The following CHD2 variants were observed in gnomAD, a reference collection of about 807,000 sequenced individuals.
CHD2 encodes the protein chromodomain helicase DNA binding protein 2, also known as ATP-dependent chromatin remodeler CHD2.
A neutral mutation model predicts 243.9 loss-of-function variants in CHD2; 28 were observed. The observed-to-expected ratio is 0.11, with a 90% CI of 0.09 to 0.16. CHD2 has a LOEUF of 0.16. Among genes scored for constraint, CHD2 ranks in the 10% least tolerant of loss-of-function variants. The pLI is 1.00. For synonymous variants in CHD2, 775 were observed against 779.0 expected (o/e 0.99, Z 0.09); for missense variants, 1,386 against 2,209.8 (o/e 0.63, Z 7.47).
chr15:92,907,937 T>C (rs1265517439), intron 2 of CHD2, among the ~76,000 whole-genome samples: 1 of 151,940 alleles, frequency 6.6e-6, no homozygotes, highest in Non-Finnish European at 1.5e-5. Flanking sequence ...TTTGTGAGAA[T>C]GATTTTAGGA....
intron 8 of CHD2, among the ~76,000 whole-genome samples, chr15:92,942,549 T>G (rs182586398): frequency 6.6e-6 from 1 of 152,240 alleles, no homozygotes; most frequent in African/African-American, 2.4e-5. Flanking sequence ...TCCGAGTTAG[T>G]AAGGGACCAA....
intron 4 of CHD2, 129 bp downstream of exon 4, chr15:92,927,459 GCTAT>G: frequency 1.6e-6 from 1 of 629,466 alleles, no homozygotes. Context: ...TCTAATATGA[GCTAT>G]CTATGACCAG....
chr15:92,955,693 G>A (rs2053609430), intron 15 of CHD2, among the ~76,000 whole-genome samples, 181 bp downstream of exon 15: 1 of 152,128 alleles, frequency 6.6e-6, no homozygotes, highest in South Asian at 2.1e-4. Context: ...ATTTCAAAAA[G>A]CAAGCAAATG....
rs1169582763 is a variant in CHD2, at chr15:92,955,399, CTTAA to C, written c.1720-20_1720-17del. 9.7e-6 allele frequency: 14 copies of C among 1,450,270 alleles called. No homozygotes were observed. The highest frequency in any genetic ancestry group is 1.5e-5 in the African/African-American group (1 of 68,922). 89.8% of individuals were successfully genotyped at this position (1,450,270 alleles called of 1,614,324 possible). A position where few individuals can be genotyped will look rare whatever the true frequency, so the allele number is the denominator to read the frequency against. ...AGAAAGGTAGAAGTAGAAATTATGT[CTTAA>C]TTATGTTTTTTTCTTATAGATACGG... is the stretch of plus-strand genomic sequence containing the variant. On this transcript the variant is annotated intron_variant, in intron 14 of 38. Coordinates refer to ENST00000394196, the MANE Select transcript of CHD2 (RefSeq NM_001271.4).
intron 26 of CHD2, among the ~76,000 whole-genome samples, chr15:92,986,211 A>G (rs1320331783): frequency 6.6e-6 from 1 of 152,184 alleles, no homozygotes; most frequent in East Asian, 1.9e-4. Context: ...AGTGATTACT[A>G]TACATTTCTT....
chr15:92,932,498 GTGTTCTCATTGTTC>G (rs1230593721), intron 5 of CHD2, among the ~76,000 whole-genome samples: 1 of 126,232 alleles, frequency 7.9e-6, no homozygotes, highest in Non-Finnish European at 1.5e-5. Context: ...CTGTGTCCAA[GTGTTCTCATTGTTC>G]AATTCCCACC....
rs138567917 is a variant in CHD2, at chr15:92,913,274, G to GC, written c.63-11046dup. Among the ~76,000 whole-genome samples the GC allele has an allele frequency of 3.0e-3, 462 of 152,314 alleles. 2 individuals are homozygous for GC. Among genetic ancestry groups the GC allele is most frequent in the African/African-American group, 0.011 (440 of 41,572 alleles). Reference sequence around the variant, plus strand: ...CTGCTTTTTAGCTGTAGAATCTTGGGCAGGAGTGTCTGAGCCTGTTTCTTC... The same window carrying GC: ...CTGCTTTTTAGCTGTAGAATCTTGGGCCAGGAGTGTCTGAGCCTGTTTCTTC... On this transcript the variant is annotated intron_variant, in intron 2 of 38. Transcript: ENST00000394196.
chr15:92,913,748 A>G (rs2052784854), intron 2 of CHD2, among the ~76,000 whole-genome samples: 1 of 152,158 alleles, frequency 6.6e-6, no homozygotes, highest in African/African-American at 2.4e-5. Context: ...GCTATTTGGA[A>G]GGCTGAGGTG....
At chr15:92,969,364 C>G (rs751336893) in intron 17 of CHD2, among the ~76,000 whole-genome samples, 2 of 152,260 alleles carry the variant, frequency 1.3e-5, no homozygotes, top group African/African-American at 2.4e-5. Flanking sequence ...CAATCCCTGT[C>G]CTCAGGCATA....
rs568864160 is a variant in CHD2, at chr15:92,900,369, G to A, written c.-527G>A. The stretch of plus-strand genomic sequence containing the variant: ...AGATGGCGGCTGTGCCTTAGAGAGA[G>A]CGCGCTCTGCTCCCTGCCTTTGCCT... On this transcript the variant is annotated 5_prime_UTR_variant, in exon 1 of 39. Transcript: ENST00000394196. The A allele has an allele frequency of 2.6e-6, 1 of 391,430 alleles. No individual in the cohort carries two copies. Among genetic ancestry groups the A allele is most frequent in the African/African-American group, 2.1e-5 (1 of 48,604 alleles). The allele number at this position is 391,430 out of a possible 1,614,324, so 24.2% of individuals were successfully genotyped here.
chr15:92,908,605 T>G (rs2141711948), intron 2 of CHD2, among the ~76,000 whole-genome samples: 1 of 152,324 alleles, frequency 6.6e-6, no homozygotes, highest in Admixed American at 6.5e-5. Context: ...TCTCCGTGTG[T>G]TTTCAAATCT....
Position 93,014,731 on chromosome 15 carries a change from G to A in CHD2, c.4728G>A (p.Lys1576=). ...AGAAAGACGACGTGACTGGGGGTAA[G>A]AAACCATTTCGTCCAGAGGCCTCAG... is the stretch of plus-strand genomic sequence containing the variant. The part of the protein sequence containing the change: ...QKKKDDVTGG[K]KPFRPEASGS... Residue 1576 remains lysine (K), a synonymous_variant, in exon 37 of 39, where the codon AAG becomes AAA. Transcript: ENST00000394196. The A allele has an allele frequency of 6.2e-7, 1 of 1,614,154 alleles. No homozygotes were observed. The highest frequency in any genetic ancestry group is 8.5e-7 in the Non-Finnish European group (1 of 1,180,020).
At chr15:92,982,869 G>A (rs28556970) in intron 24 of CHD2, among the ~76,000 whole-genome samples, 2,135 of 152,234 alleles carry the variant, frequency 0.014, 50 homozygotes, top group African/African-American at 0.045. Flanking sequence ...ATTAGTGTTC[G>A]TCATAGTCGG....
intron 32 of CHD2, among the ~76,000 whole-genome samples, 192 bp downstream of exon 32, chr15:93,000,832 G>A (rs948864907): frequency 6.6e-6 from 1 of 152,172 alleles, no homozygotes; most frequent in Non-Finnish European, 1.5e-5. Flanking sequence ...CATAATGGAA[G>A]TAAATGAAGG....
chr15:92,977,715 G>A (rs373214027), intron 20 of CHD2, among the ~76,000 whole-genome samples: 2 of 152,170 alleles, frequency 1.3e-5, no homozygotes, highest in East Asian at 1.9e-4. Flanking sequence ...TGGTAATTGA[G>A]GATCCTGTGG....
intron 2 of CHD2, among the ~76,000 whole-genome samples, chr15:92,904,159 C>A (rs181462608): frequency 4.2e-4 from 64 of 152,360 alleles, no homozygotes; most frequent in African/African-American, 1.5e-3. Context: ...GCTCTTTGAG[C>A]CCCTGGCATC....
At chr15:92,981,199 T>G (rs1261928353) in intron 23 of CHD2, among the ~76,000 whole-genome samples, 166 bp from the exon 24 acceptor site, 1 of 152,224 alleles carries the variant, frequency 6.6e-6, no homozygotes, top group Non-Finnish European at 1.5e-5. Context: ...TTTGAGACAT[T>G]AGATGTAAAA....
intron 35 of CHD2, among the ~76,000 whole-genome samples, chr15:93,012,037 A>G (rs1324293313): frequency 6.6e-6 from 1 of 152,206 alleles, no homozygotes; most frequent in East Asian, 1.9e-4. Context: ...TGGCAGAACC[A>G]TGTAAAGGTG....
In CHD2 at chr15:92,901,313, A is replaced by G. The variant is rs1385339721; in HGVS notation, c.62+14A>G. 12 of 1,574,970 alleles carry G rather than the reference A, an allele frequency of 7.6e-6. No individual in the cohort carries two copies. The highest frequency in any genetic ancestry group is 9.6e-6 in the Non-Finnish European group (11 of 1,147,840). ...CAATGCATCGAGGTATGAGCTATCA[A>G]CTTTCTTCCTTTTTGTCTTTTTTTT... On this transcript the variant is annotated intron_variant, in intron 2 of 38. Coordinates refer to ENST00000394196, the MANE Select transcript of CHD2 (RefSeq NM_001271.4).
Sources: gnomAD v4.1 joint callset for allele counts (sites outside exome capture counted in the v4.1 genomes callset) on GRCh38, gnomAD v4.1.1 for gene constraint, MANE v1.5 for transcripts, NCBI Gene and HGNC (gene_info 2026-07-23, HGNC 2026-07-21) for gene names.